NYAP2: variants seen among roughly 807,000 people sequenced by gnomAD.
The protein encoded by NYAP2 is neuronal tyrosine-phosphorylated phosphoinositide-3-kinase adaptor 2.
In NYAP2, 23 loss-of-function variants were observed where a neutral mutation model predicts 50.4. The observed-to-expected ratio is 0.46, with a 90% CI of 0.33 to 0.65. NYAP2 has a LOEUF of 0.65. Ranked by LOEUF, NYAP2 falls within the 30% of genes least tolerant of loss-of-function variation. The pLI is 0.02. For missense variants in NYAP2, 885 were observed against 861.0 expected (o/e 1.03, Z -0.35); for synonymous variants, 394 against 365.2 (o/e 1.08, Z -0.90).
In NYAP2 at chr2:225,538,455, C is replaced by G. The variant is rs113933835; in HGVS notation, c.523+24783C>G. On this transcript the variant is annotated intron_variant, in intron 4 of 6. Coordinates refer to ENST00000636099, the Ensembl canonical transcript of NYAP2. ...ATGTGGAAGCTGCCAAGGTTTGAGG[C>G]TTGAACCCTCTGAAGCCATGGACTG... Among the ~76,000 whole-genome samples the G allele has an allele frequency of 4.0e-3, 606 of 152,344 alleles. 6 individuals carry two copies. The highest frequency in any genetic ancestry group is 0.014 in the African/African-American group (591 of 41,582).
the NYAP2 span, among the ~76,000 whole-genome samples, chr2:225,693,177 A>G: frequency 6.6e-6 from 1 of 152,096 alleles, no homozygotes; most frequent in South Asian, 2.1e-4. Flanking sequence ...GATAGCATGT[A>G]AATTAATTAC....
chr2:225,541,230 T>C (rs1691465471), intron 4 of NYAP2, among the ~76,000 whole-genome samples: 1 of 152,200 alleles, frequency 6.6e-6, no homozygotes, highest in Non-Finnish European at 1.5e-5. Context: ...TTTTATTCCA[T>C]TTTGTAGGTT....
intron 3 of NYAP2, among the ~76,000 whole-genome samples, chr2:225,508,978 CT>C (rs1370467544): frequency 1.3e-5 from 2 of 152,182 alleles, no homozygotes; most frequent in Admixed American, 1.3e-4. Context: ...CAGTTCTCTC[CT>C]AGCTCTCTTC....
chr2:225,630,045 T>G (rs1439995675), intron 6 of NYAP2, among the ~76,000 whole-genome samples: 1 of 152,148 alleles, frequency 6.6e-6, no homozygotes, highest in Non-Finnish European at 1.5e-5. Flanking sequence ...AGCTAGAACT[T>G]GAAACAATGA....
intron 3 of NYAP2, among the ~76,000 whole-genome samples, chr2:225,453,628 A>G (rs1453668182): frequency 2.6e-5 from 4 of 152,036 alleles, no homozygotes; most frequent in Non-Finnish European, 5.9e-5. Context: ...GATACTTTTC[A>G]GAAAACTATC....
chr2:225,475,977 A>G (rs1473662590), intron 3 of NYAP2, among the ~76,000 whole-genome samples: 1 of 152,238 alleles, frequency 6.6e-6, no homozygotes, highest in East Asian at 1.9e-4. Context: ...CCAATAAATA[A>G]GTGGAGTCAG....
chr2:225,638,720 A>C (rs941491275), intron 6 of NYAP2, among the ~76,000 whole-genome samples: 7 of 152,178 alleles, frequency 4.6e-5, no homozygotes, highest in African/African-American at 1.7e-4. Flanking sequence ...TCAGTGTCAA[A>C]CACCTTTCCC....
At chr2:225,545,501 G>A (rs1691563721) in intron 4 of NYAP2, among the ~76,000 whole-genome samples, 1 of 151,862 alleles carries the variant, frequency 6.6e-6, no homozygotes, top group South Asian at 2.1e-4. Flanking sequence ...TATGTCAATT[G>A]CATTTTCAAC....
chr2:225,612,236 C>A (rs1297815963), intron 5 of NYAP2, among the ~76,000 whole-genome samples: 1 of 150,600 alleles, frequency 6.6e-6, no homozygotes, highest in African/African-American at 2.4e-5. Context: ...CTCATTATAC[C>A]ACTCTTCCTG....
intron 3 of NYAP2, among the ~76,000 whole-genome samples, chr2:225,457,886 A>G (rs979338116): frequency 2.0e-5 from 3 of 152,208 alleles, no homozygotes; most frequent in African/African-American, 7.2e-5. Flanking sequence ...CTACAGGGGC[A>G]ACAGTACTCA....
At chr2:225,601,176 A>G (rs559357406) in intron 5 of NYAP2, among the ~76,000 whole-genome samples, 6 of 148,006 alleles carry the variant, frequency 4.1e-5, no homozygotes, top group African/African-American at 1.3e-4. Flanking sequence ...GCTGGAGAGC[A>G]GTGACGCGAT....
intron 2 of NYAP2, among the ~76,000 whole-genome samples, chr2:225,403,205 G>C (rs1228030587): frequency 6.6e-6 from 1 of 151,962 alleles, no homozygotes; most frequent in African/African-American, 2.4e-5. Flanking sequence ...GCAATGATTG[G>C]AGTAGGAAGG....
chr2:225,411,315 G>A (rs1339903275), intron 3 of NYAP2, among the ~76,000 whole-genome samples: 3 of 152,038 alleles, frequency 2.0e-5, no homozygotes, highest in African/African-American at 7.2e-5. Context: ...TTCTGTTGTT[G>A]TTTTCTACTT....
In NYAP2 at chr2:225,615,091, G is replaced by A. The variant is rs180870108; in HGVS notation, c.1619-11826G>A. Among the ~76,000 whole-genome samples, 28 of 152,270 alleles carry A rather than the reference G, an allele frequency of 1.8e-4. 1 individual carries two copies. Among genetic ancestry groups the A allele is most frequent in the Admixed American group, 7.8e-4 (12 of 15,288 alleles). On this transcript the variant is annotated intron_variant, in intron 5 of 6. Transcript: ENST00000636099. ...CATTTGATGCCCAGACCTGGAAGTAGCATATGTCATTTCCACCTGCATTCT... is the reference window on the plus strand; with the variant it reads ...CATTTGATGCCCAGACCTGGAAGTAACATATGTCATTTCCACCTGCATTCT...
chr2:225,438,004 T>C (rs1251621120), intron 3 of NYAP2, among the ~76,000 whole-genome samples: 4 of 152,192 alleles, frequency 2.6e-5, no homozygotes, highest in Non-Finnish European at 4.4e-5. Context: ...ACTCTCATTC[T>C]TGCCCTCTCT....
chr2:225,629,505 G>T (rs1693272856), intron 6 of NYAP2, among the ~76,000 whole-genome samples: 1 of 152,204 alleles, frequency 6.6e-6, no homozygotes, highest in African/African-American at 2.4e-5. Flanking sequence ...ATGGGAAACA[G>T]AAGATGTCTT....
At chr2:225,431,650 T>G (rs2106134056) in intron 3 of NYAP2, among the ~76,000 whole-genome samples, 1 of 152,310 alleles carries the variant, frequency 6.6e-6, no homozygotes, top group Non-Finnish European at 1.5e-5. Context: ...TCTCTCTCTC[T>G]TTTTCTCTTA....
At chr2:225,436,777 A>C (rs1407621028) in intron 3 of NYAP2, among the ~76,000 whole-genome samples, 4 of 150,756 alleles carry the variant, frequency 2.7e-5, no homozygotes, top group Non-Finnish European at 4.4e-5. Context: ...GAAGAAGAAG[A>C]AGCCTCCTGG....
chr2:225,509,006 G>T (rs1221445220), intron 3 of NYAP2, among the ~76,000 whole-genome samples: 1 of 152,176 alleles, frequency 6.6e-6, no homozygotes, highest in Non-Finnish European at 1.5e-5. Flanking sequence ...TTCTTGAGGG[G>T]AAACTTGGAA....
Sources: allele counts gnomAD v4.1 joint callset (sites outside exome capture counted in the v4.1 genomes callset), GRCh38; gene constraint gnomAD v4.1.1; transcripts MANE v1.5; gene names NCBI Gene and HGNC (gene_info 2026-07-23, HGNC 2026-07-21).